Variants in TMEM45A observed in about 807,000 individuals in gnomAD.
The protein encoded by TMEM45A is transmembrane protein 45A, also known as DNA polymerase-transactivated protein 4.
TMEM45A carries 25 observed loss-of-function variants against 32.0 expected under a neutral mutation model. That is an observed-to-expected ratio of 0.78 (90% CI 0.57 to 1.09). The LOEUF is 1.09. Ranked by LOEUF, TMEM45A falls within the 50% of genes least tolerant of loss-of-function variation. The pLI is 0.00. For synonymous variants in TMEM45A, 122 were observed against 114.8 expected, an observed-to-expected ratio of 1.06 and a Z score of -0.40; for missense variants, 302 against 325.0, an observed-to-expected ratio of 0.93 and a Z score of 0.54.
intron 1 of TMEM45A, among the ~76,000 whole-genome samples, chr3:100,538,691 T>C (rs1705790133): frequency 6.6e-6 from 1 of 152,130 alleles, no homozygotes; most frequent in African/African-American, 2.4e-5. Context: ...AGCAAAACCC[T>C]TCCTGGAACT....
Position 100,576,972 on chromosome 3 carries a change from T to G in TMEM45A, c.782T>G (p.Leu261Arg), listed in dbSNP as rs749891338. Residue 261 changes from leucine to arginine, a missense_variant, in exon 6 of 6, where the codon CTT (leucine) becomes CGT (arginine). Transcript: ENST00000323523. ...AGGCTCTGCTCCTCAGAAGTTGGAC[T>G]TCTGAAAAATGCTGAACGAGAACAA... ...LKRLCSSEVGLLKNAEREQES... is the reference protein window; with the variant it reads ...LKRLCSSEVGRLKNAEREQES... 10 of 1,613,556 alleles carry G rather than the reference T, an allele frequency of 6.2e-6. No homozygotes were observed. The East Asian group carries it at 2.2e-4, about 36-fold the overall frequency.
intron 1 of TMEM45A, among the ~76,000 whole-genome samples, chr3:100,554,468 T>G (rs560891740): frequency 1.3e-5 from 2 of 152,340 alleles, no homozygotes; most frequent in East Asian, 3.9e-4. Context: ...AAAGGAGTTG[T>G]GTAGACTGCT....
At chr3:100,523,315 CTG>C (rs1364582465) in intron 1 of TMEM45A, among the ~76,000 whole-genome samples, 1 of 152,212 alleles carries the variant, frequency 6.6e-6, no homozygotes, top group Non-Finnish European at 1.5e-5. Context: ...GCCCTTATGA[CTG>C]TGTGGTACCA....
chr3:100,523,225 T>G (rs1227078681), intron 1 of TMEM45A, among the ~76,000 whole-genome samples: 1 of 152,204 alleles, frequency 6.6e-6, no homozygotes, highest in Non-Finnish European at 1.5e-5. Context: ...GTTGTCTGTT[T>G]GTGTTGCCGT....
intron 1 of TMEM45A, among the ~76,000 whole-genome samples, chr3:100,512,177 T>C (rs1161054814): frequency 5.3e-5 from 8 of 152,282 alleles, no homozygotes; most frequent in African/African-American, 9.6e-5. Context: ...ATACATTTTT[T>C]TCAGCACCAC....
intron 1 of TMEM45A, among the ~76,000 whole-genome samples, chr3:100,529,075 G>C (rs1705601417): frequency 6.6e-6 from 1 of 152,188 alleles, no homozygotes; most frequent in Non-Finnish European, 1.5e-5. Flanking sequence ...ATTTTATAAA[G>C]TTGTATGGTG....
intron 1 of TMEM45A, among the ~76,000 whole-genome samples, chr3:100,524,219 C>T (rs1484284024): frequency 1.3e-5 from 2 of 152,300 alleles, no homozygotes; most frequent in Middle Eastern, 3.4e-3. Context: ...CTCTATCCTG[C>T]TTCTTTCATT....
chr3:100,513,122 TTA>T (rs1708195542), intron 1 of TMEM45A, among the ~76,000 whole-genome samples: 1 of 149,650 alleles, frequency 6.7e-6, no homozygotes, highest in Admixed American at 6.6e-5. Context: ...CTAACTCATT[TTA>T]TGAGGCCAGT....
At chr3:100,512,342 A>G (rs955396285) in intron 1 of TMEM45A, among the ~76,000 whole-genome samples, 1 of 152,228 alleles carries the variant, frequency 6.6e-6, no homozygotes, top group Non-Finnish European at 1.5e-5. Flanking sequence ...ACTCAACTAC[A>G]TGGAAACTGA....
Position 100,539,490 on chromosome 3 carries a change from T to TGTATATGTATACGTATACGTATAC in TMEM45A, c.-3-15714_-3-15713insTGTATACGTATACGTATACGTATA, listed in dbSNP as rs1553682653. Among the ~76,000 whole-genome samples the TGTATATGTATACGTATACGTATAC allele has an allele frequency of 6.8e-3, 487 of 72,136 alleles. 3 individuals carry two copies. The highest frequency in any genetic ancestry group is 0.01 in the Non-Finnish European group (371 of 35,952). 47.3% of individuals were successfully genotyped at this position (72,136 alleles called of 152,430 possible). A position where few individuals can be genotyped will look rare whatever the true frequency, so the allele number is the denominator to read the frequency against. ...ATGTATATGTATATGTATATGTATA[T>TGTATATGTATACGTATACGTATAC]GTATACGTATACGTATACGTATACG... On this transcript the variant is annotated intron_variant, in intron 1 of 5. Transcript: ENST00000323523.
chr3:100,498,720 A>G (rs899655661), intron 1 of TMEM45A, among the ~76,000 whole-genome samples: 10 of 152,140 alleles, frequency 6.6e-5, no homozygotes, highest in Non-Finnish European at 1.2e-4. Flanking sequence ...TATGCTTTCA[A>G]TTATTTTGGG....
intron 1 of TMEM45A, among the ~76,000 whole-genome samples, chr3:100,538,507 A>G (rs1442846864): frequency 1.3e-5 from 2 of 152,242 alleles, no homozygotes. Flanking sequence ...GGAACAACAC[A>G]AAATGTCCCG....
At chr3:100,569,128 A>G (rs370032525) in intron 5 of TMEM45A, among the ~76,000 whole-genome samples, 161 bp downstream of exon 5, 1 of 152,314 alleles carries the variant, frequency 6.6e-6, no homozygotes, top group African/African-American at 2.4e-5. Flanking sequence ...AAAAATTCCC[A>G]GTAAAAAGAA....
intron 1 of TMEM45A, among the ~76,000 whole-genome samples, chr3:100,513,521 A>C (rs898602695): frequency 6.6e-6 from 1 of 151,046 alleles, no homozygotes; most frequent in African/African-American, 2.5e-5. Flanking sequence ...CCAATATCAT[A>C]CTGAATGGGC....
At chr3:100,548,772 A>G (rs767650603) in intron 1 of TMEM45A, among the ~76,000 whole-genome samples, 1 of 152,212 alleles carries the variant, frequency 6.6e-6, no homozygotes, top group African/African-American at 2.4e-5. Flanking sequence ...GGGTGCCTCA[A>G]GCGCCTGAAG....
chr3:100,533,385 A>G (rs887540145), intron 1 of TMEM45A, among the ~76,000 whole-genome samples: 1 of 152,180 alleles, frequency 6.6e-6, no homozygotes, highest in East Asian at 1.9e-4. Flanking sequence ...CGGCTCTAGT[A>G]GACAGCTAAG....
At chr3:100,512,369 T>C (rs1708180888) in intron 1 of TMEM45A, among the ~76,000 whole-genome samples, 2 of 152,178 alleles carry the variant, frequency 1.3e-5, no homozygotes, top group South Asian at 2.1e-4. Context: ...TGCTCCTGAA[T>C]GACTACTGGG....
intron 3 of TMEM45A, 139 bp from the exon 4 acceptor site, chr3:100,558,266 C>A: frequency 2.2e-6 from 2 of 912,638 alleles, no homozygotes; most frequent in African/African-American, 1.7e-5. Context: ...AAATGCAGTA[C>A]TGTGGGAATC....
chr3:100,565,034 A>G (rs1388722792), intron 4 of TMEM45A, among the ~76,000 whole-genome samples: 2 of 152,198 alleles, frequency 1.3e-5, no homozygotes, highest in Non-Finnish European at 2.9e-5. Flanking sequence ...TGAAAAGAGT[A>G]TGGGTGGGAG....
Sources: gnomAD v4.1 joint callset for allele counts (sites outside exome capture counted in the v4.1 genomes callset) on GRCh38, gnomAD v4.1.1 for gene constraint, MANE v1.5 for transcripts, NCBI Gene and HGNC (gene_info 2026-07-23, HGNC 2026-07-21) for gene names.